The following SRRM2 variants were observed in gnomAD, a reference collection of about 807,000 sequenced individuals.
SRRM2 encodes the protein serine/arginine repetitive matrix protein 2.
In SRRM2, 30 loss-of-function variants were observed where a neutral mutation model predicts 213.8. The ratio of observed to expected loss-of-function variants is 0.14; its 90% confidence interval spans 0.10 to 0.19. The LOEUF (loss-of-function observed/expected upper bound fraction) is 0.19, where lower values mean the gene tolerates loss of function less well. SRRM2 is among the 10% of genes least tolerant of loss of function. The pLI is 1.00. For synonymous variants in SRRM2, 2,025 were observed against 1,377.7 expected, an observed-to-expected ratio of 1.47 and a Z score of -10.40; for missense variants, 4,904 against 3,647.0, an observed-to-expected ratio of 1.34 and a Z score of -8.88.
rs1422566117 is a variant in SRRM2, at chr16:2,767,905, C to G, written c.7377C>G (p.Ser2459=). Residue 2459 remains serine, a synonymous_variant, in exon 11 of 15, where the codon TCC becomes TCG. Transcript: ENST00000301740. ...SPVPSAFSDQ[S]RCLIAQTTPV... The stretch of plus-strand genomic sequence containing the variant: ...TGCCTTCTGCTTTTTCAGACCAATC[C>G]CGTTGTTTGATTGCCCAGACCACCC... The G allele has an allele frequency of 6.2e-7, 1 of 1,614,112 alleles. No homozygotes were observed. The highest frequency in any genetic ancestry group is 1.1e-5 in the South Asian group (1 of 91,082).
rs534401777 is a variant in SRRM2 at position 2,762,475 on chromosome 16, T to C, written c.1947T>C (p.Ser649=). 5.5e-5 allele frequency: 89 copies of C among 1,613,508 alleles called. 1 individual carries two copies. The highest frequency in any genetic ancestry group is 4.6e-4 in the South Asian group (42 of 91,044). ...CCAGGAGAAGTGGCAGGTCACGCTC[T>C]AGAACCCCAGCTAGACGTGGCCGCT... ...SPARRSGRSR[S]RTPARRGRSR... Residue 649 remains serine (S), a synonymous_variant, in exon 11 of 15, where the codon TCT becomes TCC. Transcript: ENST00000301740.
In SRRM2 at chr16:2,764,723, A is replaced by G. The variant is rs540198317; in HGVS notation, c.4195A>G (p.Asn1399Asp). Residue 1399 changes from asparagine to aspartate, a missense_variant, in exon 11 of 15, where the codon AAT (asparagine) becomes GAT (aspartate). Asn to Asp is a conservative substitution (Grantham distance 23). Transcript: ENST00000301740. ...AGTGGAAAAGGCAGGGATGTCTTCA[A>G]ATCAGAGCATCTCTTCACCTGTGCT... ...DAVEKAGMSS[N>D]QSISSPVLDA... is the part of the protein sequence containing the mutation. 3.7e-6 allele frequency: 6 copies of G among 1,614,144 alleles called. No individual in the cohort carries two copies. Among genetic ancestry groups the G allele is most frequent in the African/African-American group, 2.7e-5 (2 of 75,038 alleles).
intron 2 of SRRM2, among the ~76,000 whole-genome samples, chr16:2,757,213 C>T (rs185072959): frequency 1.1e-4 from 17 of 152,030 alleles, no homozygotes. Context: ...GGGAGGAGCA[C>T]TTGGAACCCT....
intron 5 of SRRM2, 109 bp from the exon 6 acceptor site, chr16:2,758,876 C>T (rs956437259): frequency 2.5e-6 from 3 of 1,190,704 alleles, no homozygotes; most frequent in Non-Finnish European, 3.6e-6. Context: ...GGCATTAGTG[C>T]TATTAGGACA....
intron 1 of SRRM2, 31 bp from the exon 2 acceptor site, chr16:2,756,303 G>A (rs1596260900): frequency 1.4e-5 from 21 of 1,497,924 alleles, no homozygotes; most frequent in Non-Finnish European, 1.6e-5. Context: ...GGGGCCAGGG[G>A]CCTGACCCGT....
Position 2,759,171 on chromosome 16 carries a change from A to G in SRRM2, c.688A>G (p.Arg230Gly), listed in dbSNP as rs774469947. 5.0e-6 allele frequency: 8 copies of G among 1,614,026 alleles called. No homozygotes were observed. The highest frequency in any genetic ancestry group is 6.8e-6 in the Non-Finnish European group (8 of 1,180,040). The part of the protein sequence containing the change: ...SESESKKRKH[R>G]SPTPKSKRKS... Reference sequence around the variant, plus strand: ...ATCTGAGTCCAAGAAACGTAAGCATAGGTAAGAGCTCTTTAACTCATAGGG... The same window carrying G: ...ATCTGAGTCCAAGAAACGTAAGCATGGGTAAGAGCTCTTTAACTCATAGGG... Residue 230 changes from arginine to glycine, a missense_variant and splice_region_variant, in exon 7 of 15, where the codon AGG (arginine) becomes GGG (glycine). Arg to Gly is a moderately radical substitution (Grantham distance 125, BLOSUM62 -2). Coordinates refer to ENST00000301740, the MANE Select transcript of SRRM2 (RefSeq NM_016333.4).
rs1432987923 is a variant in SRRM2 at position 2,770,895 on chromosome 16, C to G, written c.*28C>G. 9 of 1,613,488 alleles carry G rather than the reference C, an allele frequency of 5.6e-6. No individual in the cohort carries two copies. The highest frequency in any genetic ancestry group is 6.8e-6 in the Non-Finnish European group (8 of 1,179,878). On this transcript the variant is annotated 3_prime_UTR_variant, in exon 15 of 15. Transcript: ENST00000301740. The stretch of plus-strand genomic sequence containing the variant: ...TGTCTTTGGGGGATTCCACCACACC[C>G]AATGCTCTGGAGCCACAAGGAGTGT...
At chr16:2,753,212 G>C (rs980083700) in intron 1 of SRRM2, among the ~76,000 whole-genome samples, 1 of 151,862 alleles carries the variant, frequency 6.6e-6, no homozygotes, top group African/African-American at 2.4e-5. Context: ...GGCGGGGAAG[G>C]GGCGGCGGCG....
chr16:2,768,962 G>C (rs371567623), intron 11 of SRRM2, 35 bp from the exon 12 acceptor site: 2 of 1,607,498 alleles, frequency 1.2e-6, no homozygotes, highest in Non-Finnish European at 1.7e-6. Context: ...GGCTGGGGCA[G>C]CTTGTCTCCT....
rs538525400 is a variant in SRRM2, at chr16:2,760,412, T to C, written c.945T>C (p.Thr315=). Residue 315 remains threonine, a synonymous_variant, in exon 10 of 15, where the codon ACT becomes ACC. Transcript: ENST00000301740. ...EGDAPFSEPG[T]TSTQRPSSPE... is the part of the protein sequence containing the mutation. The stretch of plus-strand genomic sequence containing the variant: ...ATGCGCCTTTCAGTGAACCAGGTAC[T>C]ACCAGCACACAACGGCCTAGTAGCC... 5.6e-6 allele frequency: 9 copies of C among 1,614,166 alleles called. No individual in the cohort carries two copies. Among genetic ancestry groups the C allele is most frequent in the Admixed American group, 3.3e-5 (2 of 60,026 alleles).
At position 2,759,653 on chromosome 16, in the gene SRRM2, C is replaced by T; in HGVS notation, c.825C>T (p.Ser275=). 1 of 1,613,810 alleles carries T rather than the reference C, an allele frequency of 6.2e-7. No homozygotes were observed. The highest frequency in any genetic ancestry group is 2.2e-5 in the East Asian group (1 of 44,886). Residue 275 remains serine, a synonymous_variant, in exon 9 of 15, where the codon TCC becomes TCT. Coordinates refer to ENST00000301740, the MANE Select transcript of SRRM2 (RefSeq NM_016333.4). ...SADSASSSDT[S]RSRSRSAAAK... Reference sequence around the variant, plus strand: ...ACTCTGCTTCCTCCTCCGATACTTCCCGCAGTCGGTAAGGGGTAGTCCAGG... The same window carrying T: ...ACTCTGCTTCCTCCTCCGATACTTCTCGCAGTCGGTAAGGGGTAGTCCAGG...
At position 2,764,949 on chromosome 16, in the gene SRRM2, C is replaced by G. The variant is rs140421601; in HGVS notation, c.4421C>G (p.Ser1474Cys). 2 of 1,614,148 alleles carry G rather than the reference C, an allele frequency of 1.2e-6. No individual in the cohort carries two copies. Among genetic ancestry groups the G allele is most frequent in the Admixed American group, 3.3e-5 (2 of 60,026 alleles). The change falls in exon 11 of 15, where the codon TCT becomes TGT. Residue 1474 changes from serine to cysteine, a missense_variant. By Grantham distance (112) the Ser-to-Cys change is moderately radical. Coordinates refer to ENST00000301740, the MANE Select transcript of SRRM2 (RefSeq NM_016333.4). ...ATGAAAGATATACCTAGAACGCCAT[C>G]TAGAGGGAGAAGCGAATGTGATTCT... ...PGMKDIPRTP[S>C]RGRSECDSSP...
chr16:2,769,972 G>T, intron 12 of SRRM2: 1 of 458,616 alleles, frequency 2.2e-6, no homozygotes, highest in Middle Eastern at 4.5e-4. Flanking sequence ...GCAAGACTCC[G>T]CTCAAAACAG....
chr16:2,754,346 G>C (rs1406779916), intron 1 of SRRM2, among the ~76,000 whole-genome samples: 1 of 151,530 alleles, frequency 6.6e-6, no homozygotes, highest in Non-Finnish European at 1.5e-5. Flanking sequence ...AGGCCGGAGT[G>C]CAGTGGCGCG....
At chr16:2,760,551 G>A in intron 10 of SRRM2, 52 bp downstream of exon 10, 1 of 1,594,934 alleles carries the variant, frequency 6.3e-7, no homozygotes. Flanking sequence ...ATAGATTTAG[G>A]ATAGACATGT....
Position 2,762,353 on chromosome 16 carries a change from C to A in SRRM2, c.1825C>A (p.Pro609Thr). 1.2e-6 allele frequency: 2 copies of A among 1,612,958 alleles called. No individual in the cohort carries two copies. Among genetic ancestry groups the A allele is most frequent in the Non-Finnish European group, 1.7e-6 (2 of 1,179,510 alleles). ...PTRRRSRSRT[P>T]ARRGRSRSRT... ...CAGGCGTAGGTCTCGGTCTAGAACA[C>A]CAGCCCGGAGGGGCAGGTCTCGGTC... is the stretch of plus-strand genomic sequence containing the variant. Residue 609 changes from proline to threonine, a missense_variant, in exon 11 of 15, where the codon CCA becomes ACA. Coordinates refer to ENST00000301740, the MANE Select transcript of SRRM2 (RefSeq NM_016333.4).
intron 2 of SRRM2, 89 bp from the exon 3 acceptor site, chr16:2,757,383 G>A: frequency 8.4e-7 from 1 of 1,187,876 alleles, no homozygotes; most frequent in East Asian, 2.4e-5. Context: ...TGGAGAGGGA[G>A]GGGCCCCTTT....
At chr16:2,770,103 T>A in intron 12 of SRRM2, 1 of 1,393,888 alleles carries the variant, frequency 7.2e-7, no homozygotes, top group Non-Finnish European at 9.4e-7. Context: ...GTGCCTTTCT[T>A]CACCACTGAG....
intron 12 of SRRM2, chr16:2,769,500 G>T (rs1324161599): frequency 7.9e-6 from 5 of 635,566 alleles, no homozygotes; most frequent in Admixed American, 2.5e-5. Context: ...AGGACCAGGG[G>T]GTCCTTGGTT....
Sources: gnomAD v4.1 joint callset for allele counts (sites outside exome capture counted in the v4.1 genomes callset) on GRCh38, gnomAD v4.1.1 for gene constraint, MANE v1.5 for transcripts, NCBI Gene and HGNC (gene_info 2026-07-23, HGNC 2026-07-21) for gene names.